The following APBA1 variants were observed in gnomAD, a reference collection of about 807,000 sequenced individuals.
APBA1 encodes amyloid-beta A4 precursor protein-binding family A member 1.
In APBA1, 55 loss-of-function variants were observed where a neutral mutation model predicts 86.6. That is an observed-to-expected ratio of 0.64 (90% CI 0.51 to 0.80). The LOEUF (loss-of-function observed/expected upper bound fraction) is 0.80, where lower values mean the gene tolerates loss of function less well. Among genes scored for constraint, APBA1 ranks in the 30% least tolerant of loss-of-function variants. The pLI, the probability that APBA1 is intolerant of heterozygous loss-of-function variation, is 0.00. For missense variants in APBA1, 1,090 were observed against 1,183.0 expected (o/e 0.92, Z 1.15); for synonymous variants, 511 against 493.9 (o/e 1.03, Z -0.46).
At chr9:69,636,009 CAT>C (rs1823149813) in intron 1 of APBA1, among the ~76,000 whole-genome samples, 1 of 152,092 alleles carries the variant, frequency 6.6e-6, no homozygotes, top group African/African-American at 2.4e-5. Flanking sequence ...GCAAACTACC[CAT>C]ATGATGGCAG....
intron 1 of APBA1, among the ~76,000 whole-genome samples, chr9:69,654,453 C>A (rs1425172286): frequency 6.6e-6 from 1 of 151,918 alleles, no homozygotes; most frequent in Non-Finnish European, 1.5e-5. Context: ...AGCACTCCAG[C>A]CTTGGTGACA....
At chr9:69,510,757 A>T (rs1836022043) in intron 2 of APBA1, among the ~76,000 whole-genome samples, 1 of 145,398 alleles carries the variant, frequency 6.9e-6, no homozygotes, top group Non-Finnish European at 1.5e-5. Context: ...GAGCCCTCAG[A>T]AATAACGCCG....
intron 2 of APBA1, among the ~76,000 whole-genome samples, chr9:69,505,315 C>T (rs1564058815): frequency 6.6e-6 from 1 of 152,056 alleles, no homozygotes; most frequent in Non-Finnish European, 1.5e-5. Context: ...CTTAGCTGCT[C>T]CCGCTTGGAA....
chr9:69,605,909 C>T (rs1327697027), intron 1 of APBA1, among the ~76,000 whole-genome samples: 4 of 152,250 alleles, frequency 2.6e-5, no homozygotes, highest in South Asian at 4.1e-4. Context: ...ATGTATTTAT[C>T]CAATGAATTA....
chr9:69,556,281 T>C (rs1052313396), intron 1 of APBA1, among the ~76,000 whole-genome samples: 1 of 152,134 alleles, frequency 6.6e-6, no homozygotes, highest in African/African-American at 2.4e-5. Flanking sequence ...CAAAATCAAG[T>C]TTCCTTTGGT....
intron 7 of APBA1, 62 bp downstream of exon 7, chr9:69,456,991 T>A (rs1835108805): frequency 1.0e-5 from 14 of 1,360,866 alleles, no homozygotes; most frequent in Non-Finnish European, 1.5e-5. Context: ...TACAGACACA[T>A]GCATCTCTGA....
chr9:69,596,681 C>T (rs1403886503), intron 1 of APBA1, among the ~76,000 whole-genome samples: 2 of 152,196 alleles, frequency 1.3e-5, no homozygotes, highest in Non-Finnish European at 2.9e-5. Context: ...ATTTCATTGA[C>T]TAGTACTTAG....
intron 1 of APBA1, among the ~76,000 whole-genome samples, chr9:69,658,314 C>CTCTCTCTT (rs1823674753): frequency 1.2e-5 from 1 of 81,228 alleles, no homozygotes; most frequent in Non-Finnish European, 2.7e-5. Flanking sequence ...CTCTTTCTTT[C>CTCTCTCTT]TTTCTTTCTT....
chr9:69,481,179 A>C (rs1458498479), intron 2 of APBA1, among the ~76,000 whole-genome samples: 1 of 152,010 alleles, frequency 6.6e-6, no homozygotes, highest in East Asian at 1.9e-4. Flanking sequence ...ACAGGAAGTC[A>C]AATTGTCCCT....
intron 3 of APBA1, chr9:69,472,533 A>G (rs1406040359): frequency 2.6e-5 from 4 of 152,266 alleles, no homozygotes; most frequent in African/African-American, 9.6e-5. Context: ...GGGTGATACA[A>G]GCATCACAGG....
intron 1 of APBA1, among the ~76,000 whole-genome samples, chr9:69,611,295 A>AC (rs1335310376): frequency 4.6e-5 from 7 of 150,598 alleles, no homozygotes; most frequent in East Asian, 1.9e-4. Flanking sequence ...GAAAAAAAAA[A>AC]AAAAAAAAAC....
intron 2 of APBA1, among the ~76,000 whole-genome samples, chr9:69,498,579 T>C (rs565522020): frequency 4.6e-5 from 7 of 152,238 alleles, no homozygotes; most frequent in Admixed American, 1.3e-4. Context: ...CTAGCTTAGA[T>C]TGTACACTCT....
At chr9:69,491,372 G>A (rs1277070187) in intron 2 of APBA1, among the ~76,000 whole-genome samples, 4 of 151,774 alleles carry the variant, frequency 2.6e-5, no homozygotes, top group Admixed American at 1.3e-4. Flanking sequence ...ACCAAACACC[G>A]CATGTTCTCA....
intron 1 of APBA1, among the ~76,000 whole-genome samples, chr9:69,572,142 G>A (rs1212507126): frequency 2.0e-5 from 3 of 152,074 alleles, no homozygotes; most frequent in Admixed American, 6.6e-5. Flanking sequence ...TTGTTACATA[G>A]GTAAACGTGT....
intron 1 of APBA1, among the ~76,000 whole-genome samples, chr9:69,604,966 A>G (rs917909185): frequency 1.3e-5 from 2 of 152,256 alleles, no homozygotes; most frequent in African/African-American, 4.8e-5. Context: ...CAAGGAAGGA[A>G]GAGGTTGGAA....
intron 1 of APBA1, among the ~76,000 whole-genome samples, chr9:69,618,055 CTG>C (rs1822739425): frequency 6.6e-6 from 1 of 152,164 alleles, no homozygotes. Context: ...GCCTGGAATA[CTG>C]TGTAGGAACA....
intron 1 of APBA1, among the ~76,000 whole-genome samples, chr9:69,637,307 A>G (rs1474301487): frequency 1.3e-5 from 2 of 152,218 alleles, no homozygotes; most frequent in African/African-American, 4.8e-5. Context: ...GTTTGATAGT[A>G]CAACAGGGTG....
intron 1 of APBA1, among the ~76,000 whole-genome samples, chr9:69,638,737 G>T (rs1477918454): frequency 6.6e-6 from 1 of 152,150 alleles, no homozygotes; most frequent in Non-Finnish European, 1.5e-5. Flanking sequence ...AGATAAAGTT[G>T]GTGTCTGTCT....
chr9:69,550,495 G>T (rs1836767045), intron 1 of APBA1, among the ~76,000 whole-genome samples: 1 of 152,110 alleles, frequency 6.6e-6, no homozygotes, highest in Admixed American at 6.5e-5. Context: ...AATACAAAGA[G>T]AAATCATGTA....
Sources: allele counts gnomAD v4.1 joint callset (sites outside exome capture counted in the v4.1 genomes callset), GRCh38; gene constraint gnomAD v4.1.1; transcripts MANE v1.5; gene names NCBI Gene and HGNC (gene_info 2026-07-23, HGNC 2026-07-21).